HNRNPL: variants seen among roughly 807,000 people sequenced by gnomAD.
HNRNPL encodes epididymis secretory sperm binding protein.
Under a neutral mutation model 64.0 loss-of-function variants are expected in HNRNPL, and 12 were observed. The observed-to-expected ratio is 0.19, with a 90% CI of 0.12 to 0.30. The LOEUF (loss-of-function observed/expected upper bound fraction) is 0.30, where lower values mean the gene tolerates loss of function less well. Ranked by LOEUF, HNRNPL falls within the 10% of genes least tolerant of loss-of-function variation. The pLI, the probability that HNRNPL is intolerant of heterozygous loss-of-function variation, is 1.00. For missense variants in HNRNPL, 484 were observed against 797.4 expected, an observed-to-expected ratio of 0.61 and a Z score of 4.73; for synonymous variants, 385 against 313.0, an observed-to-expected ratio of 1.23 and a Z score of -2.43.
intron 2 of HNRNPL, among the ~76,000 whole-genome samples, chr19:38,846,665 T>C (rs928532856): frequency 6.6e-6 from 1 of 152,088 alleles, no homozygotes; most frequent in African/African-American, 2.4e-5. Flanking sequence ...TCCTAGCACT[T>C]TGGGAGGCCG....
At chr19:38,850,284 C>T, upstream of HNRNPL, 1 of 307,498 alleles carries the variant, frequency 3.3e-6, no homozygotes, top group Admixed American at 5.1e-5. Context: ...AGGAACGGCG[C>T]TCTAAACCTC....
chr19:38,850,889 C>T (rs1972487164), upstream of HNRNPL, among the ~76,000 whole-genome samples: 2 of 152,232 alleles, frequency 1.3e-5, no homozygotes, highest in Non-Finnish European at 2.9e-5. Flanking sequence ...GGAGAAGGCT[C>T]TTCCGCGCAC....
rs116032135 is a variant in HNRNPL, at chr19:38,840,899, T to C, written c.881-340A>G. On this transcript the variant is annotated intron_variant, in intron 6 of 12. Transcript: ENST00000221419. ...TGCAGCTGCTACAGAAGCTGATATA[T>C]TATGGCGGGCCAAAAGCAGCTTTCT... 214 of 320,216 alleles carry C rather than the reference T, an allele frequency of 6.7e-4. 2 individuals are homozygous for C. Among genetic ancestry groups the C allele is most frequent in the African/African-American group, 3.7e-3 (169 of 45,134 alleles). 19.8% of individuals were successfully genotyped at this position (320,216 alleles called of 1,614,324 possible). A position where few individuals can be genotyped will look rare whatever the true frequency, so the allele number is the denominator to read the frequency against.
upstream of HNRNPL, chr19:38,850,008 G>T (rs1439733871): frequency 1.5e-6 from 2 of 1,308,898 alleles, no homozygotes; most frequent in South Asian, 1.9e-5. Context: ...CATTGGGGGA[G>T]GGACACGCCC....
intron 12 of HNRNPL, 185 bp downstream of exon 12, chr19:38,837,199 T>A: frequency 1.7e-6 from 1 of 601,310 alleles, no homozygotes; most frequent in Admixed American, 2.9e-5. Flanking sequence ...CAGCAGGCAG[T>A]CAGGCTGGCT....
At chr19:38,850,469 G>C (rs1972473331), upstream of HNRNPL, 1 of 154,744 alleles carries the variant, frequency 6.5e-6, no homozygotes, top group Non-Finnish European at 1.4e-5. Flanking sequence ...TCCACTGATT[G>C]GTCAATGGAG....
chr19:38,840,450 G>A (rs1428753816), intron 7 of HNRNPL, 38 bp downstream of exon 7: 6 of 1,568,416 alleles, frequency 3.8e-6, no homozygotes, highest in Non-Finnish European at 5.2e-6. Context: ...GGGCACATGA[G>A]CCACGGGAGT....
rs1971932422 is a variant in HNRNPL, at chr19:38,836,530, CT to C, written c.*191del. On this transcript the variant is annotated 3_prime_UTR_variant, in exon 13 of 13. Transcript: ENST00000221419. ...TTAATCTTGGGAGATAACAGTTCCC[CT>C]CTCCCTCCCCCTGCAGATTTCCAGC... 3 of 444,190 alleles carry C rather than the reference CT, an allele frequency of 6.8e-6. No individual in the cohort carries two copies. The highest frequency in any genetic ancestry group is 4.1e-5 in the African/African-American group (2 of 49,120). The allele number at this position is 444,190 out of a possible 1,614,324, so 27.5% of individuals were successfully genotyped here.
At chr19:38,840,969 C>T (rs1173044645) in intron 6 of HNRNPL, 1 of 205,928 alleles carries the variant, frequency 4.9e-6, no homozygotes, top group Non-Finnish European at 9.7e-6. Context: ...AGGAAAATAA[C>T]CCCAGAGGGA....
In HNRNPL at chr19:38,840,361, C is replaced by A. The variant is rs1268693615; in HGVS notation, c.968G>T (p.Gly323Val). The A allele has an allele frequency of 6.4e-7, 1 of 1,552,194 alleles. No individual in the cohort carries two copies. The highest frequency in any genetic ancestry group is 1.9e-5 in the Admixed American group (1 of 51,362). Reference sequence around the variant, plus strand: ...CTCATCATGGTAATGGCTGTGGTACCCACCGTGGGGCCCTCCTGGGGGGTG... The same window carrying A: ...CTCATCATGGTAATGGCTGTGGTACACACCGTGGGGCCCTCCTGGGGGGTG... ...HPAEYGGPHG[G>V]YHSHYHDEGY... The change falls in exon 8 of 13, where the codon GGG becomes GTG. Residue 323 changes from glycine (G) to valine (V), a missense_variant. This residue lies in a region of HNRNPL where 46 missense variants were observed against 37.4 expected (regional missense o/e 1.23). Transcript: ENST00000221419.
intron 6 of HNRNPL, among the ~76,000 whole-genome samples, chr19:38,842,946 C>G (rs559232469): frequency 9.2e-5 from 14 of 152,204 alleles, no homozygotes; most frequent in Non-Finnish European, 1.6e-4. Context: ...ACCAATTTGC[C>G]TCTGACCTTT....
At position 38,840,391 on chromosome 19, in the gene HNRNPL, G is replaced by A; in HGVS notation, c.953-15C>T. On this transcript the variant is annotated splice_polypyrimidine_tract_variant and intron_variant, in intron 7 of 12. Coordinates refer to ENST00000221419, the MANE Select transcript of HNRNPL (RefSeq NM_001533.3). ...GTGGGGCCCTCCTGGGGGGTGGGAA[G>A]GAAAGAGAGGGAGGACGGGTGAGAA... 6.4e-7 allele frequency: 1 copy of A among 1,561,086 alleles called. No individual in the cohort carries two copies. Among genetic ancestry groups the A allele is most frequent in the Non-Finnish European group, 8.7e-7 (1 of 1,152,932 alleles).
chr19:38,845,784 T>G, intron 3 of HNRNPL, 49 bp from the exon 4 acceptor site: 1 of 1,600,070 alleles, frequency 6.2e-7, no homozygotes, highest in Non-Finnish European at 8.6e-7. Flanking sequence ...CAGATCAGTC[T>G]GGCTTGGGGG....
In HNRNPL at chr19:38,840,324, G is replaced by C. The variant is rs1402127699; in HGVS notation, c.1005C>G (p.Pro335=). The C allele has an allele frequency of 6.5e-7, 1 of 1,546,100 alleles. No individual in the cohort carries two copies. The highest frequency in any genetic ancestry group is 2.3e-5 in the East Asian group (1 of 44,290). Residue 335 remains proline (P), a synonymous_variant, in exon 8 of 13, where the codon CCC becomes CCG. Coordinates refer to ENST00000221419, the MANE Select transcript of HNRNPL (RefSeq NM_001533.3). ...HSHYHDEGYG[P]PPPHYEGRRM... ...TTCTCCCTTCGTAGTGAGGTGGGGG[G>C]GGCCCGTAGCCCTCATCATGGTAAT...
chr19:38,845,216 A>T (rs1185524042), intron 4 of HNRNPL: 1 of 26,276 alleles, frequency 3.8e-5, no homozygotes, highest in Non-Finnish European at 1.3e-4. Flanking sequence ...TCGAAACCAG[A>T]TCTCTACTAA....
Position 38,849,909 on chromosome 19 carries a change from G to A in HNRNPL, c.58C>T (p.Gln20Ter), listed in dbSNP as rs763502708. 2 of 1,287,666 alleles carry A rather than the reference G, an allele frequency of 1.6e-6. No homozygotes were observed. The highest frequency in any genetic ancestry group is 5.4e-5 in the East Asian group (2 of 37,058). 79.8% of individuals were successfully genotyped at this position (1,287,666 alleles called of 1,614,324 possible). Residue 20 changes from glutamine (Q) to a stop codon, truncating the protein, a stop_gained, in exon 1 of 13, where the codon CAG becomes TAG. Coordinates refer to ENST00000221419, the MANE Select transcript of HNRNPL (RefSeq NM_001533.3). LOFTEE classifies it high-confidence loss of function. Reference protein sequence around the residue: ...EKRRRRLEQRQQPDEQRRRSG... With the variant: ...EKRRRRLEQR ...CGCCTCCGCTGCTCGTCCGGCTGCT[G>A]CCTCTGCTCCAGCCGCCGACGCCGC... is the stretch of plus-strand genomic sequence containing the variant.
upstream of HNRNPL, chr19:38,850,255 C>A: frequency 5.6e-6 from 2 of 360,006 alleles, no homozygotes; most frequent in Non-Finnish European, 1.0e-5. Context: ...CGCTGCTGGC[C>A]TCCCTAAAAG....
At chr19:38,846,999 CAGA>C (rs1972319691) in intron 2 of HNRNPL, among the ~76,000 whole-genome samples, 3 of 152,266 alleles carry the variant, frequency 2.0e-5, no homozygotes, top group East Asian at 1.9e-4. Flanking sequence ...CAGGCCGAGG[CAGA>C]AGGACTGCCT....
rs775012093 is a variant in HNRNPL at position 38,837,496 on chromosome 19, G to A, written c.1616-17C>T. 5.0e-6 allele frequency: 8 copies of A among 1,613,894 alleles called. No homozygotes were observed. In the Admixed American group the frequency reaches 1.0e-4, roughly 20 times the overall value. On this transcript the variant is annotated splice_polypyrimidine_tract_variant and intron_variant, in intron 11 of 12. Coordinates refer to ENST00000221419, the MANE Select transcript of HNRNPL (RefSeq NM_001533.3). ...TGCGCTCACCTGATTGCAAACCAAG[G>A]GGAAAAGTAAAGGTTTTAGACTCAC...
Sources: allele counts gnomAD v4.1 joint callset (sites outside exome capture counted in the v4.1 genomes callset), GRCh38; gene constraint gnomAD v4.1.1; regional missense constraint gnomAD v4.1.1; transcripts MANE v1.5; gene names NCBI Gene and HGNC (gene_info 2026-07-23, HGNC 2026-07-21).